Variants in EBF2 observed in about 807,000 individuals in gnomAD.
EBF2 encodes transcription factor COE2.
Under a neutral mutation model 72.8 loss-of-function variants are expected in EBF2, and 21 were observed. That is an observed-to-expected ratio of 0.29 (90% confidence interval 0.20 to 0.42). The LOEUF (loss-of-function observed/expected upper bound fraction) is 0.42, where lower values mean the gene tolerates loss of function less well. Among genes scored for constraint, EBF2 ranks in the 10% least tolerant of loss-of-function variants. The pLI is 1.00. For synonymous variants in EBF2, 299 were observed against 274.2 expected (o/e 1.09, Z -0.89); for missense variants, 637 against 731.2 (o/e 0.87, Z 1.49).
chr8:25,900,698 A>C (rs1802937151), intron 7 of EBF2, among the ~76,000 whole-genome samples: 1 of 152,162 alleles, frequency 6.6e-6, no homozygotes, highest in Non-Finnish European at 1.5e-5. Flanking sequence ...TCTTTATCTT[A>C]ATTACAAGTA....
At chr8:25,974,698 G>A (rs1173093654) in intron 6 of EBF2, among the ~76,000 whole-genome samples, 1 of 152,068 alleles carries the variant, frequency 6.6e-6, no homozygotes, top group Admixed American at 6.5e-5. Context: ...GAACTTGGAC[G>A]GCAAAATAAT....
intron 6 of EBF2, among the ~76,000 whole-genome samples, chr8:25,919,616 A>C (rs1803275851): frequency 6.6e-6 from 1 of 152,184 alleles, no homozygotes; most frequent in Non-Finnish European, 1.5e-5. Context: ...TCTCAATACC[A>C]GGCAGCCAAA....
At chr8:25,984,906 C>G (rs1267180150) in intron 6 of EBF2, among the ~76,000 whole-genome samples, 1 of 146,178 alleles carries the variant, frequency 6.8e-6, no homozygotes, top group Non-Finnish European at 1.5e-5. Context: ...CCTCCTGAAA[C>G]TGAGAAACTT....
Position 25,861,031 on chromosome 8 carries a change from C to T in EBF2, c.1342+18G>A. On this transcript the variant is annotated intron_variant, in intron 13 of 15. Coordinates refer to ENST00000520164, the MANE Select transcript of EBF2 (RefSeq NM_022659.4). ...TAAATTAGACATATTTGGATTTTGA[C>T]TCTAAGAAAGGTGGTACCTTGATTA... is the stretch of plus-strand genomic sequence containing the variant. The T allele has an allele frequency of 1.9e-6, 3 of 1,614,128 alleles. No homozygotes were observed. Among genetic ancestry groups the T allele is most frequent in the Non-Finnish European group, 2.5e-6 (3 of 1,180,012 alleles).
chr8:25,999,390 C>T (rs1804685269), intron 6 of EBF2, among the ~76,000 whole-genome samples: 1 of 152,062 alleles, frequency 6.6e-6, no homozygotes, highest in Middle Eastern at 3.2e-3. Flanking sequence ...TTGAATTTTC[C>T]AGCCCTCTCT....
At chr8:25,904,215 A>G (rs1034576711) in intron 7 of EBF2, among the ~76,000 whole-genome samples, 1 of 132,762 alleles carries the variant, frequency 7.5e-6, no homozygotes, top group Non-Finnish European at 1.6e-5. Flanking sequence ...CTTTTACCAG[A>G]TTCTTAAAGG....
intron 6 of EBF2, among the ~76,000 whole-genome samples, chr8:25,997,989 T>C (rs1242528829): frequency 6.6e-6 from 1 of 152,096 alleles, no homozygotes; most frequent in Non-Finnish European, 1.5e-5. Context: ...CAAGGATAAA[T>C]TGGCAGAAAA....
At chr8:26,021,923 A>G (rs1805209247) in intron 6 of EBF2, among the ~76,000 whole-genome samples, 1 of 152,218 alleles carries the variant, frequency 6.6e-6, no homozygotes, top group Non-Finnish European at 1.5e-5. Flanking sequence ...TGTGTCAGAA[A>G]TCTATTTCCT....
chr8:26,011,061 C>A (rs1804973780), intron 6 of EBF2, among the ~76,000 whole-genome samples: 1 of 152,030 alleles, frequency 6.6e-6, no homozygotes. Flanking sequence ...AAGTTAATAA[C>A]TCCACTGCTT....
chr8:25,945,895 A>G (rs530585107), intron 6 of EBF2, among the ~76,000 whole-genome samples: 1 of 152,008 alleles, frequency 6.6e-6, no homozygotes, highest in African/African-American at 2.4e-5. Context: ...AAGGTGGGAG[A>G]ACTTTTTACT....
At chr8:26,023,688 C>T (rs1311794606) in intron 6 of EBF2, among the ~76,000 whole-genome samples, 1 of 152,114 alleles carries the variant, frequency 6.6e-6, no homozygotes. Context: ...ACAGCAGTTC[C>T]CCGCAATGAA....
At chr8:25,897,831 G>T (rs1802883834) in intron 7 of EBF2, among the ~76,000 whole-genome samples, 1 of 152,172 alleles carries the variant, frequency 6.6e-6, no homozygotes. Context: ...ATACAAATGT[G>T]CATGTCTTTC....
rs572001869 is a variant in EBF2, at chr8:25,898,548, T to C, written c.634-8679A>G. ...GTCTCTTCATCTTAAAGGCCACAGA[T>C]ACTTGCTACTCCCACCCTAGCTCAT... On this transcript the variant is annotated intron_variant, in intron 7 of 15. Coordinates refer to ENST00000520164, the MANE Select transcript of EBF2 (RefSeq NM_022659.4). 1.4e-3 allele frequency among the ~76,000 whole-genome samples: 206 copies of C among 152,254 alleles called. 1 individual carries two copies. The highest frequency in any genetic ancestry group is 2.7e-3 in the Non-Finnish European group (181 of 68,024).
At chr8:25,918,195 A>T (rs1234412669) in intron 6 of EBF2, among the ~76,000 whole-genome samples, 2 of 152,198 alleles carry the variant, frequency 1.3e-5, no homozygotes, top group Non-Finnish European at 2.9e-5. Context: ...TGCAGTTTTC[A>T]GCTTTCTACC....
intron 4 of EBF2, 67 bp downstream of exon 4, chr8:26,040,549 C>A: frequency 2.7e-6 from 4 of 1,488,046 alleles, no homozygotes; most frequent in Non-Finnish European, 3.6e-6. Flanking sequence ...AGGTCAGAAA[C>A]AAACTGGGGG....
chr8:25,931,358 A>G (rs532214641), intron 6 of EBF2, among the ~76,000 whole-genome samples: 4 of 152,176 alleles, frequency 2.6e-5, no homozygotes, highest in Non-Finnish European at 5.9e-5. Context: ...GCCTGGTCTA[A>G]AGCAATTGTG....
At chr8:25,976,439 A>C (rs1472578986) in intron 6 of EBF2, among the ~76,000 whole-genome samples, 1 of 152,198 alleles carries the variant, frequency 6.6e-6, no homozygotes, top group Non-Finnish European at 1.5e-5. Context: ...GTCACTCATA[A>C]CATTCTGGGC....
chr8:25,882,236 T>TA (rs1376176627), intron 10 of EBF2, among the ~76,000 whole-genome samples: 1 of 152,136 alleles, frequency 6.6e-6, no homozygotes, highest in Non-Finnish European at 1.5e-5. Context: ...CATGCTCCCC[T>TA]AGAGGTCTGA....
intron 6 of EBF2, among the ~76,000 whole-genome samples, chr8:26,002,848 A>C: frequency 8.1e-6 from 1 of 123,720 alleles, no homozygotes; most frequent in Non-Finnish European, 1.9e-5. Flanking sequence ...GCAGGCAGGC[A>C]GGCAGGCGGG....
Sources: gnomAD v4.1 joint callset for allele counts (sites outside exome capture counted in the v4.1 genomes callset) on GRCh38, gnomAD v4.1.1 for gene constraint, MANE v1.5 for transcripts, NCBI Gene and HGNC (gene_info 2026-07-23, HGNC 2026-07-21) for gene names.